Variants in PAK3 observed in about 807,000 individuals in gnomAD.
PAK3 encodes the protein p21 (RAC1) activated kinase 3.
Under a neutral mutation model 41.0 loss-of-function variants are expected in PAK3, and 4 were observed. The observed-to-expected ratio is 0.10, with a 90% CI of 0.05 to 0.22. The LOEUF is 0.22. Among genes scored for constraint, PAK3 ranks in the 10% least tolerant of loss-of-function variants. The probability of loss-of-function intolerance (pLI) is 1.00; values close to 1 mark genes in which losing one functional copy is unlikely to be tolerated. For missense variants in PAK3, 205 were observed against 409.9 expected, an observed-to-expected ratio of 0.50 and a Z score of 4.32; for synonymous variants, 146 against 139.6, an observed-to-expected ratio of 1.05 and a Z score of -0.32.
rs1305317980 is a variant in PAK3 at position 111,045,477 on chromosome X, C to T, written c.-27-77600C>T. Among the ~76,000 whole-genome samples the T allele has an allele frequency of 2.7e-5, 3 of 112,107 alleles. No individual in the cohort carries two copies. The Admixed American group carries it at 2.8e-4, about 11-fold the overall frequency. Reference sequence around the variant, plus strand: ...TTTTTCATTTAAATAAGAGATTTCACTAAGCTTGCTATCTCCCTGTATGTG... The same window carrying T: ...TTTTTCATTTAAATAAGAGATTTCATTAAGCTTGCTATCTCCCTGTATGTG... On this transcript the variant is annotated intron_variant, in intron 1 of 14. Transcript: ENST00000425146.
intron 1 of PAK3, among the ~76,000 whole-genome samples, chrX:111,041,152 G>A (rs145531851): frequency 8.9e-6 from 1 of 112,878 alleles, no homozygotes; most frequent in East Asian, 2.8e-4. Context: ...CCTTGCGGTT[G>A]CAGAGCATTC....
At chrX:111,077,835 G>A (rs1022288504) in intron 1 of PAK3, among the ~76,000 whole-genome samples, 1 of 111,753 alleles carries the variant, frequency 8.9e-6, no homozygotes, top group African/African-American at 3.3e-5. Context: ...AAAAATTTCT[G>A]CATAGCAAGG....
chrX:111,086,098 C>T (rs1379230054), intron 1 of PAK3, among the ~76,000 whole-genome samples: 2 of 90,544 alleles, frequency 2.2e-5, no homozygotes, highest in Non-Finnish European at 4.3e-5. Context: ...TGTGCATGTG[C>T]ACATGTGTGC....
chrX:110,977,648 T>G lies in PAK3; in HGVS notation c.-28+33020T>G, dbSNP rs182140190. 3.3e-3 allele frequency among the ~76,000 whole-genome samples: 369 copies of G among 112,257 alleles called. 3 individuals carry two copies. The highest frequency in any genetic ancestry group is 0.01 in the African/African-American group (323 of 31,020). On this transcript the variant is annotated intron_variant, in intron 1 of 14. Transcript: ENST00000425146. ...GTTAAATTTATTCCTAAATATTTTA[T>G]TTTTTGATGCTATTGTAAATGGAAT...
chrX:111,163,791 G>A, intron 10 of PAK3, 64 bp downstream of exon 10: 6 of 903,468 alleles, frequency 6.6e-6, no homozygotes, highest in Non-Finnish European at 9.7e-6. Context: ...ATTTAAAATG[G>A]GAATTGATCC....
intron 16 of PAK3, among the ~76,000 whole-genome samples, chrX:111,208,476 G>A (rs1162502231): frequency 1.8e-5 from 2 of 111,800 alleles, no homozygotes; most frequent in Non-Finnish European, 1.9e-5. Flanking sequence ...CCCTACACAG[G>A]TGTACCATGT....
chrX:111,195,409 A>AT (rs2094603576), intron 14 of PAK3, among the ~76,000 whole-genome samples: 2 of 112,137 alleles, frequency 1.8e-5, no homozygotes, highest in Non-Finnish European at 3.8e-5. Context: ...CTGGCTACCC[A>AT]TTAGAAATAG....
At chrX:111,021,077 C>A (rs187980835) in intron 1 of PAK3, among the ~76,000 whole-genome samples, 1 of 111,754 alleles carries the variant, frequency 8.9e-6, no homozygotes, top group East Asian at 2.9e-4. Flanking sequence ...TACCTGCCCC[C>A]GGGAAGACAA....
At chrX:111,051,315 T>C (rs2092555565) in intron 1 of PAK3, among the ~76,000 whole-genome samples, 1 of 111,965 alleles carries the variant, frequency 8.9e-6, no homozygotes, top group South Asian at 3.8e-4. Context: ...AATTTTTTTC[T>C]GAATAGAAAT....
At chrX:111,192,944 T>C (rs1190325987) in intron 13 of PAK3, among the ~76,000 whole-genome samples, 1 of 111,976 alleles carries the variant, frequency 8.9e-6, no homozygotes, top group African/African-American at 3.2e-5. Context: ...GCCAGTACAA[T>C]TTCTGGGAGT....
At chrX:111,113,403 G>T (rs1366244223) in intron 4 of PAK3, among the ~76,000 whole-genome samples, 1 of 111,326 alleles carries the variant, frequency 9.0e-6, no homozygotes, top group Non-Finnish European at 1.9e-5. Context: ...ATGAATGTTG[G>T]TGGTGGGAGG....
At chrX:111,193,778 CAAAAA>C (rs200926456) in intron 13 of PAK3, among the ~76,000 whole-genome samples, 1 of 87,839 alleles carries the variant, frequency 1.1e-5, no homozygotes, top group African/African-American at 8.1e-5. Flanking sequence ...AAAACAAAAA[CAAAAA>C]AAAACAAAAA....
At chrX:111,069,430 T>A (rs2092725492) in intron 1 of PAK3, among the ~76,000 whole-genome samples, 1 of 111,943 alleles carries the variant, frequency 8.9e-6, no homozygotes, top group South Asian at 3.8e-4. Context: ...TCCACTGCCT[T>A]CTTGCTCTTC....
At chrX:111,141,782 G>A (rs913029738) in intron 5 of PAK3, among the ~76,000 whole-genome samples, 2 of 111,947 alleles carry the variant, frequency 1.8e-5, no homozygotes, top group South Asian at 3.7e-4. Flanking sequence ...AGTGATATTT[G>A]ATTCAACAAA....
At chrX:111,008,735 G>A (rs1028261775) in intron 1 of PAK3, among the ~76,000 whole-genome samples, 1 of 112,452 alleles carries the variant, frequency 8.9e-6, no homozygotes, top group Admixed American at 9.4e-5. Context: ...GGGGATTGCT[G>A]CAAGGATTAA....
At chrX:111,047,896 C>A (rs2092515455) in intron 1 of PAK3, among the ~76,000 whole-genome samples, 1 of 111,910 alleles carries the variant, frequency 8.9e-6, no homozygotes, top group Non-Finnish European at 1.9e-5. Flanking sequence ...CAGTGGCAGC[C>A]TGCTGCTTTC....
intron 4 of PAK3, among the ~76,000 whole-genome samples, chrX:111,108,653 A>G (rs2093317659): frequency 8.9e-6 from 1 of 112,231 alleles, no homozygotes; most frequent in African/African-American, 3.2e-5. Context: ...AAACCACCCC[A>G]TTGCCCCATG....
chrX:111,196,368 C>A, intron 15 of PAK3, 76 bp from the exon 16 acceptor site: 1 of 796,455 alleles, frequency 1.3e-6, no homozygotes, highest in Non-Finnish European at 1.9e-6. Flanking sequence ...AAGGAAGGTA[C>A]AGCCATATCT....
At chrX:111,210,825 G>A (rs964174284) in intron 16 of PAK3, among the ~76,000 whole-genome samples, 7 of 111,585 alleles carry the variant, frequency 6.3e-5, no homozygotes, top group South Asian at 3.8e-4. Flanking sequence ...AACTCTCAGA[G>A]TTCAAAGAAG....
Sources: gnomAD v4.1 joint callset for allele counts (sites outside exome capture counted in the v4.1 genomes callset) on GRCh38, gnomAD v4.1.1 for gene constraint, MANE v1.5 for transcripts, NCBI Gene and HGNC (gene_info 2026-07-23, HGNC 2026-07-21) for gene names.